Variants in PROS1 observed in about 807,000 individuals in gnomAD.
PROS1 encodes vitamin K-dependent protein S.
A neutral mutation model predicts 75.9 loss-of-function variants in PROS1; 29 were observed. The observed-to-expected ratio is 0.38, with a 90% confidence interval of 0.28 to 0.52. The LOEUF is 0.52. Among genes scored for constraint, PROS1 ranks in the 20% least tolerant of loss-of-function variants. The pLI is 0.83. For missense variants in PROS1, 680 were observed against 810.3 expected, an observed-to-expected ratio of 0.84 and a Z score of 1.95; for synonymous variants, 245 against 280.6, an observed-to-expected ratio of 0.87 and a Z score of 1.27.
At chr3:93,961,731 G>A (rs1709707611) in intron 1 of PROS1, among the ~76,000 whole-genome samples, 1 of 152,202 alleles carries the variant, frequency 6.6e-6, no homozygotes, top group Non-Finnish European at 1.5e-5. Context: ...GGCTGAATGT[G>A]GTAATATTGC....
intron 3 of PROS1, among the ~76,000 whole-genome samples, chr3:93,923,239 T>A (rs1708969340): frequency 6.6e-6 from 1 of 152,022 alleles, no homozygotes; most frequent in Admixed American, 6.6e-5. Flanking sequence ...TTATGAAAAA[T>A]ATTTTATCTA....
At chr3:93,961,709 A>C (rs1398242811) in intron 1 of PROS1, among the ~76,000 whole-genome samples, 1 of 152,248 alleles carries the variant, frequency 6.6e-6, no homozygotes, top group Non-Finnish European at 1.5e-5. Context: ...GAGATAGCAT[A>C]ATTTTTAATC....
In PROS1 at chr3:93,945,132, A is replaced by C. The variant is rs1262601552; in HGVS notation, c.77-17725T>G. ...AAGAAGTTGAATCTCTGAATAGAAG[A>C]ATAACAAGCTTGGAAATTAAGACAA... On this transcript the variant is annotated intron_variant, in intron 1 of 14. Transcript: ENST00000394236. 2.0e-5 allele frequency among the ~76,000 whole-genome samples: 3 copies of C among 152,182 alleles called. No individual in the cohort carries two copies. In the East Asian group the frequency reaches 5.8e-4, roughly 29 times the overall value.
chr3:93,906,135 C>G lies in PROS1; in HGVS notation c.355G>C (p.Asp119His). 6.2e-7 allele frequency: 1 copy of G among 1,613,218 alleles called. No homozygotes were observed. Among genetic ancestry groups the G allele is most frequent in the Non-Finnish European group, 8.5e-7 (1 of 1,179,842 alleles). Reference protein sequence around the residue: ...DLRSCVNAIPDQCSPLPCNED... With the variant: ...DLRSCVNAIPHQCSPLPCNED... ...TTGCATGGCAGAGGACTACACTGGT[C>G]TGGAATGGCTGAAGGAAATAGACAT... Residue 119 changes from aspartate (D) to histidine (H), a missense_variant, in exon 5 of 15, where the codon GAC becomes CAC. Asp to His is a moderately conservative substitution (Grantham distance 81). Coordinates refer to ENST00000394236, the MANE Select transcript of PROS1 (RefSeq NM_000313.4).
At chr3:93,901,827 T>TA (rs1319832515) in intron 6 of PROS1, among the ~76,000 whole-genome samples, 1 of 152,220 alleles carries the variant, frequency 6.6e-6, no homozygotes, top group East Asian at 1.9e-4. Context: ...TGTAAACTCT[T>TA]ACCACTAAGG....
chr3:93,955,207 C>T (rs1371846103), intron 1 of PROS1, among the ~76,000 whole-genome samples: 4 of 152,086 alleles, frequency 2.6e-5, no homozygotes, highest in Non-Finnish European at 4.4e-5. Context: ...ACCAATTGAC[C>T]CAGCCATCCC....
chr3:93,886,824 GC>G (rs1559930216), intron 10 of PROS1, among the ~76,000 whole-genome samples: 1 of 151,784 alleles, frequency 6.6e-6, no homozygotes, highest in Non-Finnish European at 1.5e-5. Flanking sequence ...AATTAAGTGA[GC>G]CATTCTATCT....
At chr3:93,957,978 C>T (rs540404955) in intron 1 of PROS1, among the ~76,000 whole-genome samples, 114 of 152,146 alleles carry the variant, frequency 7.5e-4, no homozygotes, top group African/African-American at 2.7e-3. Flanking sequence ...GTCCCAGCTA[C>T]TCAGGAGGCT....
At chr3:93,911,663 A>G (rs1176454856) in intron 3 of PROS1, among the ~76,000 whole-genome samples, 1 of 152,108 alleles carries the variant, frequency 6.6e-6, no homozygotes, top group African/African-American at 2.4e-5. Context: ...CTCTTTCCAT[A>G]TGATAGATCA....
chr3:93,894,174 A>G (rs1349462585), intron 9 of PROS1, among the ~76,000 whole-genome samples: 2 of 152,168 alleles, frequency 1.3e-5, no homozygotes, highest in Non-Finnish European at 2.9e-5. Flanking sequence ...TCTTACCGCA[A>G]TATAGTAAAA....
intron 1 of PROS1, among the ~76,000 whole-genome samples, chr3:93,963,899 TTTTC>T (rs1190454736): frequency 6.6e-6 from 1 of 152,076 alleles, no homozygotes. Flanking sequence ...TTCCCTTTCC[TTTTC>T]TTTCTTTTCT....
At chr3:93,948,124 C>A (rs1285173472) in intron 1 of PROS1, among the ~76,000 whole-genome samples, 1 of 152,090 alleles carries the variant, frequency 6.6e-6, no homozygotes, top group Non-Finnish European at 1.5e-5. Context: ...AACTAACAAT[C>A]AAAGATCGCC....
intron 1 of PROS1, among the ~76,000 whole-genome samples, chr3:93,954,457 C>G (rs1194474231): frequency 6.6e-6 from 1 of 151,972 alleles, no homozygotes; most frequent in Non-Finnish European, 1.5e-5. Context: ...ACAAACCTGA[C>G]AAAAACAAGA....
rs759677822 is a variant in PROS1, at chr3:93,927,408, C to G, written c.77-1G>C. The G allele has an allele frequency of 3.1e-6, 5 of 1,613,764 alleles. No individual in the cohort carries two copies. The highest frequency in any genetic ancestry group is 4.2e-6 in the Non-Finnish European group (5 of 1,179,948). On this transcript the variant is annotated splice_acceptor_variant, in intron 1 of 14. Transcript: ENST00000394236. LOFTEE classifies it high-confidence loss of function. ...TGTGAAGCCTGTTGCTTTGACAAAA[C>G]TGAAGGAAACAATCAGTTTATATGA...
At chr3:93,950,718 C>T (rs1445482033) in intron 1 of PROS1, among the ~76,000 whole-genome samples, 1 of 152,162 alleles carries the variant, frequency 6.6e-6, no homozygotes, top group East Asian at 1.9e-4. Flanking sequence ...TAGATAAAAC[C>T]ACAAAGATCG....
intron 3 of PROS1, 193 bp from the exon 4 acceptor site, chr3:93,910,898 AG>A: frequency 1.7e-6 from 1 of 579,640 alleles, no homozygotes; most frequent in South Asian, 2.1e-5. Flanking sequence ...AGATGGCAAC[AG>A]ATACAGAAAC....
At chr3:93,886,963 C>CTGCGGACTG (rs1708357627) in intron 10 of PROS1, among the ~76,000 whole-genome samples, 1 of 147,502 alleles carries the variant, frequency 6.8e-6, no homozygotes, top group Non-Finnish European at 1.5e-5. Flanking sequence ...CCAGGCCAGA[C>CTGCGGACTG]TGCGGACTGC....
chr3:93,891,000 G>C (rs1708423816), intron 10 of PROS1, among the ~76,000 whole-genome samples: 1 of 152,094 alleles, frequency 6.6e-6, no homozygotes, highest in South Asian at 2.1e-4. Context: ...AGCTACTCGA[G>C]AGGCTGAGAC....
chr3:93,934,489 G>A (rs576521005), intron 1 of PROS1, among the ~76,000 whole-genome samples: 15 of 152,238 alleles, frequency 9.9e-5, no homozygotes, highest in African/African-American at 3.6e-4. Flanking sequence ...GCTATGCAAC[G>A]ATTTCTTCTC....
Sources: gnomAD v4.1 joint callset for allele counts (sites outside exome capture counted in the v4.1 genomes callset) on GRCh38, gnomAD v4.1.1 for gene constraint, MANE v1.5 for transcripts, NCBI Gene and HGNC (gene_info 2026-07-23, HGNC 2026-07-21) for gene names.